The following PPP1R42 variants were observed in gnomAD, a reference collection of about 807,000 sequenced individuals.
PPP1R42 encodes the protein leucine rich repeat containing 67.
Under a neutral mutation model 31.0 loss-of-function variants are expected in PPP1R42, and 34 were observed. That is an observed-to-expected ratio of 1.10 (90% CI 0.83 to 1.46). The LOEUF is 1.46. Among genes scored for constraint, PPP1R42 ranks in the 40% most tolerant of loss-of-function variants. PPP1R42 has a pLI of 0.00. For missense variants in PPP1R42, 268 were observed against 303.0 expected, an observed-to-expected ratio of 0.88 and a Z score of 0.86; for synonymous variants, 103 against 109.8, an observed-to-expected ratio of 0.94 and a Z score of 0.39.
intron 5 of PPP1R42, among the ~76,000 whole-genome samples, chr8:67,007,884 C>CTTTT (rs1157477422): frequency 5.3e-5 from 7 of 133,110 alleles, no homozygotes; most frequent in East Asian, 2.1e-4. Context: ...GTAACTGTTC[C>CTTTT]TTTTTTTTTT....
intron 7 of PPP1R42, among the ~76,000 whole-genome samples, chr8:66,965,606 G>A (rs1814358159): frequency 2.0e-5 from 3 of 151,704 alleles, no homozygotes; most frequent in South Asian, 4.2e-4. Context: ...GTACCACCAC[G>A]CCCAGCTTAA....
intron 7 of PPP1R42, among the ~76,000 whole-genome samples, chr8:66,977,283 A>G (rs1168944816): frequency 6.7e-6 from 1 of 149,284 alleles, no homozygotes; most frequent in Non-Finnish European, 1.5e-5. Flanking sequence ...TCCAACTGCC[A>G]TGGCCTCCCA....
intron 6 of PPP1R42, chr8:66,985,722 C>A: frequency 7.5e-7 from 1 of 1,327,794 alleles, no homozygotes; most frequent in East Asian, 2.3e-5. Context: ...GAGTCTTTGG[C>A]TGAGGTGTAG....
intron 1 of PPP1R42, among the ~76,000 whole-genome samples, chr8:67,024,847 T>G (rs1816345221): frequency 6.6e-6 from 1 of 152,050 alleles, no homozygotes; most frequent in South Asian, 2.1e-4. Flanking sequence ...TAATGTTAAA[T>G]TTTTTTGCAT....
chr8:66,981,543 C>A (rs1248149708), intron 7 of PPP1R42, among the ~76,000 whole-genome samples: 1 of 151,854 alleles, frequency 6.6e-6, no homozygotes, highest in Non-Finnish European at 1.5e-5. Context: ...CCACGCCTGG[C>A]TAATTTTTTG....
chr8:66,986,075 ATGATCGGCTGCCTTC>A, intron 6 of PPP1R42: 1 of 736,102 alleles, frequency 1.4e-6, no homozygotes, highest in South Asian at 1.4e-5. Context: ...AAGGTTTCAG[ATGATCGGCTGCCTTC>A]TTCTTGTCCA....
At chr8:66,966,141 T>C (rs1224875423) in intron 7 of PPP1R42, among the ~76,000 whole-genome samples, 1 of 152,210 alleles carries the variant, frequency 6.6e-6, no homozygotes, top group Non-Finnish European at 1.5e-5. Context: ...AATCGAGATA[T>C]CTCACTTGCC....
chr8:67,003,305 A>G (rs1478104939), intron 5 of PPP1R42, among the ~76,000 whole-genome samples: 1 of 131,266 alleles, frequency 7.6e-6, no homozygotes, highest in Non-Finnish European at 1.6e-5. Flanking sequence ...TTAAAGTCTT[A>G]TCTCCTAATT....
At chr8:67,021,099 AAC>A (rs1450602280) in intron 1 of PPP1R42, 1 of 152,208 alleles carries the variant, frequency 6.6e-6, no homozygotes, top group Non-Finnish European at 1.5e-5. Flanking sequence ...TGTAACCAAA[AAC>A]ACAGTTTAAA....
intron 6 of PPP1R42, chr8:66,984,447 G>A: frequency 7.8e-7 from 1 of 1,284,608 alleles, no homozygotes; most frequent in Non-Finnish European, 1.1e-6. Flanking sequence ...CTACCACGTT[G>A]ACACCCTTGT....
chr8:66,998,243 T>TA (rs1815389735), intron 5 of PPP1R42, among the ~76,000 whole-genome samples: 1 of 152,152 alleles, frequency 6.6e-6, no homozygotes, highest in African/African-American at 2.4e-5. Flanking sequence ...CAATATTTTG[T>TA]GTTTTTATTG....
chr8:66,965,087 G>C (rs1814342947), intron 7 of PPP1R42, among the ~76,000 whole-genome samples: 1 of 152,102 alleles, frequency 6.6e-6, no homozygotes, highest in East Asian at 1.9e-4. Flanking sequence ...ATGCTTTTGA[G>C]ATCCATGTTG....
In PPP1R42 at chr8:67,028,493, C is replaced by A; in HGVS notation, c.-87G>T. 3 of 985,530 alleles carry A rather than the reference C, an allele frequency of 3.0e-6. No homozygotes were observed. The highest frequency in any genetic ancestry group is 3.6e-6 in the Non-Finnish European group (3 of 829,956). The allele number at this position is 985,530 out of a possible 1,614,324, so 61.0% of individuals were successfully genotyped here. A position where few individuals can be genotyped will look rare whatever the true frequency, so the allele number is the denominator to read the frequency against. On this transcript the variant is annotated splice_region_variant and 5_prime_UTR_variant, in exon 1 of 8. Transcript: ENST00000685739. ...CTTATTCCCCGCGGGCAGCTCACCG[C>A]TCGCGGGACAGTCCGGTAGCTAACT...
chr8:67,009,144 T>A (rs534996101), intron 5 of PPP1R42, among the ~76,000 whole-genome samples: 1 of 151,830 alleles, frequency 6.6e-6, no homozygotes, highest in Admixed American at 6.5e-5. Context: ...GTGGTGCACA[T>A]CTGTAGTCCC....
At chr8:66,995,485 A>G (rs1815309940) in intron 5 of PPP1R42, among the ~76,000 whole-genome samples, 1 of 152,202 alleles carries the variant, frequency 6.6e-6, no homozygotes, top group African/African-American at 2.4e-5. Context: ...AACTCAGTGA[A>G]TGGTTTGCAT....
intron 4 of PPP1R42, 138 bp from the exon 5 acceptor site, chr8:67,010,969 A>G (rs1050242116): frequency 6.6e-6 from 5 of 759,804 alleles, no homozygotes; most frequent in African/African-American, 1.8e-5. Flanking sequence ...ATCAAAAGCC[A>G]TGAAATTCTT....
chr8:66,998,185 C>A (rs756073384), intron 5 of PPP1R42, among the ~76,000 whole-genome samples: 1 of 152,176 alleles, frequency 6.6e-6, no homozygotes, highest in Admixed American at 6.5e-5. Flanking sequence ...TGCTAATACA[C>A]GAAAATGGTA....
chr8:66,969,310 G>C (rs1182404616), intron 7 of PPP1R42, among the ~76,000 whole-genome samples: 1 of 152,128 alleles, frequency 6.6e-6, no homozygotes, highest in Non-Finnish European at 1.5e-5. Flanking sequence ...AAAATGCTTG[G>C]CAAAGCAACA....
At chr8:67,022,494 G>T (rs11995838) in intron 1 of PPP1R42, among the ~76,000 whole-genome samples, 2,375 of 151,890 alleles carry the variant, frequency 0.016, 55 homozygotes, top group African/African-American at 0.053. Flanking sequence ...TGCTTTTAAT[G>T]GTATCTTCTA....
Sources: allele counts gnomAD v4.1 joint callset (sites outside exome capture counted in the v4.1 genomes callset), GRCh38; gene constraint gnomAD v4.1.1; transcripts MANE v1.5; gene names NCBI Gene and HGNC (gene_info 2026-07-23, HGNC 2026-07-21).